Variants in AFAP1L2 observed in about 807,000 individuals in gnomAD.
AFAP1L2 encodes the protein actin filament-associated protein 1-like 2.
In AFAP1L2, 46 loss-of-function variants were observed where a neutral mutation model predicts 99.3. The observed-to-expected ratio is 0.46, with a 90% confidence interval of 0.37 to 0.59. AFAP1L2 has a LOEUF of 0.59. AFAP1L2 is among the 20% of genes least tolerant of loss of function. The pLI is 0.00. For synonymous variants in AFAP1L2, 397 were observed against 419.1 expected (o/e 0.95, Z 0.64); for missense variants, 959 against 1,034.9 (o/e 0.93, Z 1.01).
chr10:114,297,620 G>C (rs2049915773), intron 16 of AFAP1L2, among the ~76,000 whole-genome samples: 1 of 152,194 alleles, frequency 6.6e-6, no homozygotes, highest in African/African-American at 2.4e-5. Flanking sequence ...GGAGGCTCTT[G>C]GGGAGGAGAG....
intron 2 of AFAP1L2, among the ~76,000 whole-genome samples, chr10:114,339,241 G>A (rs1396402648): frequency 2.0e-5 from 3 of 151,740 alleles, no homozygotes; most frequent in Non-Finnish European, 4.4e-5. Flanking sequence ...GGCGGATCAC[G>A]AGGTCAGGAG....
At chr10:114,383,419 TTTTTA>T (rs1210666525) in intron 1 of AFAP1L2, among the ~76,000 whole-genome samples, 3 of 152,050 alleles carry the variant, frequency 2.0e-5, no homozygotes, top group Non-Finnish European at 4.4e-5. Context: ...GAAAGGAGCT[TTTTTA>T]TTATCGCAGA....
chr10:114,292,355 G>A (rs1011757386), downstream of AFAP1L2, among the ~76,000 whole-genome samples: 3 of 151,746 alleles, frequency 2.0e-5, no homozygotes, highest in African/African-American at 7.3e-5. Flanking sequence ...CTTTTAGTGG[G>A]GCAAAGAGAA....
At chr10:114,368,446 G>T (rs2053598805) in intron 1 of AFAP1L2, among the ~76,000 whole-genome samples, 1 of 152,048 alleles carries the variant, frequency 6.6e-6, no homozygotes, top group Non-Finnish European at 1.5e-5. Context: ...TTGAGACAGG[G>T]TCTCGTACCA....
At chr10:114,361,819 C>A (rs1366146354) in intron 1 of AFAP1L2, among the ~76,000 whole-genome samples, 1 of 152,100 alleles carries the variant, frequency 6.6e-6, no homozygotes, top group Non-Finnish European at 1.5e-5. Flanking sequence ...GAGTGTACAT[C>A]CACATGTCTC....
chr10:114,320,584 T>C (rs185079751), intron 5 of AFAP1L2, among the ~76,000 whole-genome samples: 102 of 152,288 alleles, frequency 6.7e-4, no homozygotes, highest in Middle Eastern at 6.8e-3. Flanking sequence ...CGCAGCTGGT[T>C]TTCCTCCATC....
chr10:114,330,552 T>TG (rs1346305214), intron 4 of AFAP1L2, among the ~76,000 whole-genome samples: 2 of 152,036 alleles, frequency 1.3e-5, no homozygotes, highest in Admixed American at 6.6e-5. Context: ...CACACAGTGG[T>TG]GGGGGGGCTG....
At chr10:114,317,857 C>CA (rs905251407) in intron 5 of AFAP1L2, among the ~76,000 whole-genome samples, 10 of 151,680 alleles carry the variant, frequency 6.6e-5, no homozygotes, top group African/African-American at 1.5e-4. Context: ...GAGACAGTCT[C>CA]AAAAAAAAGG....
intron 1 of AFAP1L2, 121 bp downstream of exon 1, chr10:114,404,319 T>G: frequency 8.5e-7 from 1 of 1,170,290 alleles, no homozygotes; most frequent in Non-Finnish European, 1.2e-6. Context: ...AGGTCCGGGC[T>G]GGGTGGGGGC....
chr10:114,337,620 A>T (rs569152884), intron 2 of AFAP1L2, among the ~76,000 whole-genome samples: 17 of 152,254 alleles, frequency 1.1e-4, no homozygotes, highest in Non-Finnish European at 2.2e-4. Flanking sequence ...GCCTGACTTT[A>T]TAAGAGCCGA....
At chr10:114,286,128 C>T in the AFAP1L2 span, 1 of 1,614,108 alleles carries the variant, frequency 6.2e-7, no homozygotes, top group East Asian at 2.2e-5. Flanking sequence ...GTGGCGGTGC[C>T]TGTGGGGGAG....
At chr10:114,382,410 T>C (rs2055766995) in intron 1 of AFAP1L2, among the ~76,000 whole-genome samples, 1 of 151,868 alleles carries the variant, frequency 6.6e-6, no homozygotes, top group Non-Finnish European at 1.5e-5. Flanking sequence ...AAAAAGTTGA[T>C]CACATGGACA....
At position 114,296,112 on chromosome 10, in the gene AFAP1L2, G is replaced by A. The variant is rs201049491; in HGVS notation, c.2431-44C>T. On this transcript the variant is annotated intron_variant, in intron 18 of 18. Coordinates refer to ENST00000304129, the MANE Select transcript of AFAP1L2 (RefSeq NM_001001936.3). ...ACCAGCACCCACCCCCCACCAAAAA[G>A]ATAGTTAGTTATCCACTGTAGCAAC... is the stretch of plus-strand genomic sequence containing the variant. The A allele has an allele frequency of 5.5e-5, 88 of 1,613,382 alleles. No individual in the cohort carries two copies. In the Admixed American group the frequency reaches 6.0e-4, roughly 11 times the overall value.
intron 1 of AFAP1L2, among the ~76,000 whole-genome samples, chr10:114,366,695 C>T (rs892439091): frequency 1.6e-4 from 24 of 152,136 alleles, no homozygotes; most frequent in Non-Finnish European, 2.8e-4. Context: ...TGGCCGGGCG[C>T]GGTGGCTCAC....
At chr10:114,373,048 C>T (rs1156541267) in intron 1 of AFAP1L2, among the ~76,000 whole-genome samples, 1 of 152,100 alleles carries the variant, frequency 6.6e-6, no homozygotes, top group East Asian at 1.9e-4. Context: ...ATAATTCCAT[C>T]CCGGGCAACA....
intron 4 of AFAP1L2, among the ~76,000 whole-genome samples, chr10:114,328,264 C>T (rs796909986): frequency 1.3e-5 from 2 of 152,204 alleles, no homozygotes; most frequent in African/African-American, 4.8e-5. Flanking sequence ...CATCTGGGCT[C>T]GTGGCCGATA....
chr10:114,301,722 T>A (rs1211251926), intron 12 of AFAP1L2: 14 of 508,410 alleles, frequency 2.8e-5, no homozygotes, highest in Middle Eastern at 1.1e-3. Context: ...CGTCCTAGGA[T>A]CCCTTTGCCA....
At chr10:114,353,889 G>A (rs1280096086) in intron 1 of AFAP1L2, among the ~76,000 whole-genome samples, 2 of 152,134 alleles carry the variant, frequency 1.3e-5, no homozygotes, top group African/African-American at 4.8e-5. Context: ...GACCCAGGAG[G>A]CCAAGTAGAG....
intron 1 of AFAP1L2, among the ~76,000 whole-genome samples, chr10:114,399,281 G>T (rs1024085469): frequency 1.6e-4 from 24 of 152,180 alleles, no homozygotes; most frequent in Non-Finnish European, 2.8e-4. Flanking sequence ...CCTGCGATGT[G>T]CTAGGCATTA....
Sources: allele counts gnomAD v4.1 joint callset (sites outside exome capture counted in the v4.1 genomes callset), GRCh38; gene constraint gnomAD v4.1.1; transcripts MANE v1.5; gene names NCBI Gene and HGNC (gene_info 2026-07-23, HGNC 2026-07-21).